The following ZNF668 variants were observed in gnomAD, a reference collection of about 807,000 sequenced individuals.
The protein encoded by ZNF668 is zinc finger protein 668.
In ZNF668, 10 loss-of-function variants were observed where a neutral mutation model predicts 40.3. The observed-to-expected ratio is 0.25, with a 90% CI of 0.15 to 0.42. ZNF668 has a LOEUF of 0.42. Ranked by LOEUF, ZNF668 falls within the 10% of genes least tolerant of loss-of-function variation. ZNF668 has a pLI of 1.00. For missense variants in ZNF668, 749 were observed against 904.6 expected, an observed-to-expected ratio of 0.83 and a Z score of 2.21; for synonymous variants, 428 against 384.6, an observed-to-expected ratio of 1.11 and a Z score of -1.32.
At chr16:31,065,688 C>A (rs185359287) in intron 1 of ZNF668, 1 of 152,172 alleles carries the variant, frequency 6.6e-6, no homozygotes, top group African/African-American at 2.4e-5. Flanking sequence ...CCCGTCTCTA[C>A]TGAAAATACA....
chr16:31,064,255 C>G lies in ZNF668; in HGVS notation c.205G>C (p.Ala69Pro). ...KPETEAKAEE[A>P]SGEKVSGSAA... is the part of the protein sequence containing the mutation. Reference sequence around the variant, plus strand: ...GAGCCTGACACCTTCTCCCCACTGGCTTCCTCTGCCTTAGCTTCTGTCTCT... The same window carrying G: ...GAGCCTGACACCTTCTCCCCACTGGGTTCCTCTGCCTTAGCTTCTGTCTCT... The change falls in exon 2 of 3, where the codon GCC becomes CCC. Residue 69 changes from alanine to proline, a missense_variant. Ala to Pro is a conservative substitution (Grantham distance 27). This residue lies in a region of ZNF668 where 159 missense variants were observed against 139.8 expected (regional missense o/e 1.14). Coordinates refer to ENST00000300849, the MANE Select transcript of ZNF668 (RefSeq NM_024706.5). The G allele has an allele frequency of 1.2e-6, 2 of 1,613,708 alleles. No individual in the cohort carries two copies. Among genetic ancestry groups the G allele is most frequent in the Non-Finnish European group, 1.7e-6 (2 of 1,180,032 alleles).
rs1405183323 is a variant in ZNF668 at position 31,062,263 on chromosome 16, C to T, written c.665G>A (p.Arg222His). ...RNHERSHTGERPFLCSECGKS... is the reference protein window; with the variant it reads ...RNHERSHTGEHPFLCSECGKS... The stretch of plus-strand genomic sequence containing the variant: ...CCCGCACTCGGAGCAGAGGAAGGGG[C>T]GCTCGCCGGTGTGGGACCTGCGGGG... Residue 222 changes from arginine to histidine, a missense_variant, in exon 3 of 3, where the codon CGC becomes CAC. By Grantham distance (29) the Arg-to-His change is conservative. This residue lies in a region of ZNF668 where 129 missense variants were observed against 231.2 expected (regional missense o/e 0.56). Coordinates refer to ENST00000300849, the MANE Select transcript of ZNF668 (RefSeq NM_024706.5). 2 of 1,604,588 alleles carry T rather than the reference C, an allele frequency of 1.2e-6. No individual in the cohort carries two copies. The highest frequency in any genetic ancestry group is 1.3e-5 in the African/African-American group (1 of 74,932).
rs2056958013 is a variant in ZNF668 at position 31,063,894 on chromosome 16, G to C, written c.566C>G (p.Thr189Ser). ...DPSVFRKHRR[T>S]HAGLRPYSCE... is the part of the protein sequence containing the mutation. ...GCTGTAGGGCCGCAGGCCAGCGTGA[G>C]TACGCCGGTGCTTGCGGAACACTGA... The change falls in exon 2 of 3, where the codon ACT (threonine) becomes AGT (serine). Residue 189 changes from threonine to serine, a missense_variant. By Grantham distance (58) the Thr-to-Ser change is moderately conservative (BLOSUM62 1). Transcript: ENST00000300849. The C allele has an allele frequency of 6.3e-7, 1 of 1,594,298 alleles. No individual in the cohort carries two copies. The highest frequency in any genetic ancestry group is 8.5e-7 in the Non-Finnish European group (1 of 1,171,012).
chr16:31,064,513 C>T (rs1014270050), intron 1 of ZNF668, 32 bp from the exon 2 acceptor site: 2 of 1,600,310 alleles, frequency 1.2e-6, no homozygotes, highest in African/African-American at 1.3e-5. Flanking sequence ...ACCAAAGCCA[C>T]ATACCTTCGC....
In ZNF668 at chr16:31,061,113, C is replaced by A; in HGVS notation, c.1815G>T (p.Glu605Asp). The change falls in exon 3 of 3, where the codon GAG becomes GAT. Residue 605 changes from glutamate to aspartate, a missense_variant. Transcript: ENST00000300849. The surrounding 1 kb of genome is among the most constrained non-coding windows in gnomAD (Gnocchi z 7.7). ...PVPMGTPTPL[E>D]PLVALLGMPE... ...GCATTCCTAGCAAAGCCACCAGGGG[C>A]TCCAGGGGTGTGGGGGTCCCCATGG... 1 of 1,509,436 alleles carries A rather than the reference C, an allele frequency of 6.6e-7. No individual in the cohort carries two copies. Among genetic ancestry groups the A allele is most frequent in the South Asian group, 1.4e-5 (1 of 73,736 alleles). The allele number at this position is 1,509,436 out of a possible 1,614,324, so 93.5% of individuals were successfully genotyped here. A position where few individuals can be genotyped will look rare whatever the true frequency, so the allele number is the denominator to read the frequency against.
rs931658541 is a variant in ZNF668 at position 31,061,128 on chromosome 16, G to A, written c.1800C>T (p.Thr600=). The A allele has an allele frequency of 2.0e-6, 3 of 1,510,410 alleles. No individual in the cohort carries two copies. The highest frequency in any genetic ancestry group is 1.4e-5 in the African/African-American group (1 of 71,364). The allele number at this position is 1,510,410 out of a possible 1,614,324, so 93.6% of individuals were successfully genotyped here. Residue 600 remains threonine (T), a synonymous_variant, in exon 3 of 3, where the codon ACC becomes ACT. Coordinates refer to ENST00000300849, the MANE Select transcript of ZNF668 (RefSeq NM_024706.5). The surrounding 1 kb of genome is among the most constrained non-coding windows in gnomAD (Gnocchi z 7.7). ...HERTHPVPMG[T]PTPLEPLVAL... Reference sequence around the variant, plus strand: ...CCACCAGGGGCTCCAGGGGTGTGGGGGTCCCCATGGGCACAGGGTGGGTGC... The same window carrying A: ...CCACCAGGGGCTCCAGGGGTGTGGGAGTCCCCATGGGCACAGGGTGGGTGC...
At chr16:31,065,148 C>CTCAATTAGTGGTAATTGAGTGATT (rs2056972047) in intron 1 of ZNF668, 1 of 998,854 alleles carries the variant, frequency 1.0e-6, no homozygotes, top group Non-Finnish European at 1.2e-6. Context: ...AATGGAGAAT[C>CTCAATTAGTGGTAATTGAGTGATT]ACTCAAGGCA....
At chr16:31,068,006 G>A (rs2056989366) in intron 1 of ZNF668, among the ~76,000 whole-genome samples, 2 of 151,858 alleles carry the variant, frequency 1.3e-5, no homozygotes, top group East Asian at 1.9e-4. Context: ...GCTTGACCCA[G>A]TGGTTCTGAG....
chr16:31,064,830 A>G, intron 1 of ZNF668: 1 of 1,449,990 alleles, frequency 6.9e-7, no homozygotes, highest in Non-Finnish European at 9.0e-7. Context: ...GTGTCCAAGA[A>G]CTATGCCAGG....
At chr16:31,065,103 C>T (rs1157569405) in intron 1 of ZNF668, 2 of 1,018,870 alleles carry the variant, frequency 2.0e-6, no homozygotes, top group Non-Finnish European at 2.4e-6. Flanking sequence ...ACTCTCTGCT[C>T]TGGAATCTTG....
rs1462879029 is a variant in ZNF668 at position 31,073,894 on chromosome 16, C to T, written c.-258G>A. The T allele has an allele frequency of 1.3e-5, 2 of 152,234 alleles. No individual in the cohort carries two copies. The highest frequency in any genetic ancestry group is 4.8e-5 in the African/African-American group (2 of 41,446). 9.4% of individuals were successfully genotyped at this position (152,234 alleles called of 1,614,324 possible). ...ATCTTGCAAGAGGTCTCTGTGTGTGCTGAGGCAAGGGGACGCCAGGCAGGC... is the reference window on the plus strand; with the variant it reads ...ATCTTGCAAGAGGTCTCTGTGTGTGTTGAGGCAAGGGGACGCCAGGCAGGC... On this transcript the variant is annotated 5_prime_UTR_variant, in exon 1 of 3. Coordinates refer to ENST00000300849, the MANE Select transcript of ZNF668 (RefSeq NM_024706.5).
At chr16:31,063,180 T>C (rs2056948810) in intron 2 of ZNF668, among the ~76,000 whole-genome samples, 1 of 152,162 alleles carries the variant, frequency 6.6e-6, no homozygotes. Context: ...TTCCCCAGGC[T>C]GGAATGCAGT....
At chr16:31,070,104 G>T (rs2057005229) in intron 1 of ZNF668, among the ~76,000 whole-genome samples, 1 of 151,292 alleles carries the variant, frequency 6.6e-6, no homozygotes, top group Non-Finnish European at 1.5e-5. Flanking sequence ...ATTTTTAGTA[G>T]AGATGGGGTT....
chr16:31,060,916 ACTGTCCCAG>A lies in ZNF668; in HGVS notation c.*143_*151del. The A allele has an allele frequency of 2.1e-6, 2 of 958,646 alleles. No individual in the cohort carries two copies. Among genetic ancestry groups the A allele is most frequent in the Non-Finnish European group, 2.9e-6 (2 of 700,106 alleles). 59.4% of individuals were successfully genotyped at this position (958,646 alleles called of 1,614,324 possible). ...CACGTCTCAGCTTCTGCCAGCCTCC[ACTGTCCCAG>A]CTCTCTTAGCTGGCCGACAGGGGAG... On this transcript the variant is annotated 3_prime_UTR_variant, in exon 3 of 3. Coordinates refer to ENST00000300849, the MANE Select transcript of ZNF668 (RefSeq NM_024706.5).
At position 31,061,352 on chromosome 16, in the gene ZNF668, A is replaced by C. The variant is rs1044428807; in HGVS notation, c.1576T>G (p.Ser526Ala). 62 of 1,610,984 alleles carry C rather than the reference A, an allele frequency of 3.8e-5. 1 individual carries two copies. The East Asian group carries it at 1.4e-3, about 36-fold the overall frequency. Residue 526 changes from serine to alanine, a missense_variant, in exon 3 of 3, where the codon TCC becomes GCC. Transcript: ENST00000300849. This position sits in a 1 kb window ranked among gnomAD's most constrained non-coding sequence, Gnocchi z 7.7. ...FVCRECKETF[S>A]TMTLLRRHER... Reference sequence around the variant, plus strand: ...TGCCGACGCAGCAGCGTCATTGTGGAGAAGGTCTCCTTGCACTCTCGGCAC... The same window carrying C: ...TGCCGACGCAGCAGCGTCATTGTGGCGAAGGTCTCCTTGCACTCTCGGCAC...
rs2056960036 is a variant in ZNF668, at chr16:31,064,056, G to T, written c.404C>A (p.Ala135Asp). 6.2e-7 allele frequency: 1 copy of T among 1,603,940 alleles called. No individual in the cohort carries two copies. Among genetic ancestry groups the T allele is most frequent in the Non-Finnish European group, 8.5e-7 (1 of 1,174,150 alleles). ...VCLRVHLASH[A>D]GELPFRCAHC... ...CGCACAGCGGAAGGGCAGTTCGCCA[G>T]CGTGCGAGGCCAGGTGCACGCGCAG... is the stretch of plus-strand genomic sequence containing the variant. Residue 135 changes from alanine (A) to aspartate (D), a missense_variant, in exon 2 of 3, where the codon GCT (alanine) becomes GAT (aspartate). Around this residue, in one of 4 missense-constraint regions of ZNF668, gnomAD observed 151 missense variants for 178.6 expected, o/e 0.85. Transcript: ENST00000300849.
chr16:31,063,540 C>T (rs896973763), intron 2 of ZNF668, among the ~76,000 whole-genome samples: 1 of 152,202 alleles, frequency 6.6e-6, no homozygotes, highest in Non-Finnish European at 1.5e-5. Context: ...CTCAGAACTG[C>T]CCAACTCCAA....
intron 1 of ZNF668, among the ~76,000 whole-genome samples, chr16:31,071,946 T>C (rs28581887): frequency 0.017 from 2,563 of 152,284 alleles, 89 homozygotes; most frequent in African/African-American, 0.059. Context: ...ATTCTAACTC[T>C]CATTGTGACT....
chr16:31,064,184 G>T lies in ZNF668; in HGVS notation c.276C>A (p.Ala92=). 1 of 1,611,900 alleles carries T rather than the reference G, an allele frequency of 6.2e-7. No individual in the cohort carries two copies. Among genetic ancestry groups the T allele is most frequent in the Non-Finnish European group, 8.5e-7 (1 of 1,179,942 alleles). ...TGCGCAGCTCGGGTGCCGTCTTGTAGGCCTTGGGGCATAGCGGACACGCAT... is the reference window on the plus strand; with the variant it reads ...TGCGCAGCTCGGGTGCCGTCTTGTATGCCTTGGGGCATAGCGGACACGCAT... The part of the protein sequence containing the change: ...RPYACPLCPK[A]YKTAPELRSH... Residue 92 remains alanine, a synonymous_variant, in exon 2 of 3, where the codon GCC becomes GCA. Coordinates refer to ENST00000300849, the MANE Select transcript of ZNF668 (RefSeq NM_024706.5).
Sources: allele counts gnomAD v4.1 joint callset (sites outside exome capture counted in the v4.1 genomes callset), GRCh38; gene constraint gnomAD v4.1.1; regional missense constraint gnomAD v4.1.1; non-coding constraint Gnocchi (gnomAD v3.1); transcripts MANE v1.5; gene names NCBI Gene and HGNC (gene_info 2026-07-23, HGNC 2026-07-21).